PIGF: variants seen among roughly 807,000 people sequenced by gnomAD.
PIGF encodes the protein phosphatidylinositol glycan anchor biosynthesis class F.
In PIGF, 23 loss-of-function variants were observed where a neutral mutation model predicts 26.0. The ratio of observed to expected loss-of-function variants is 0.88; its 90% CI spans 0.64 to 1.25. The LOEUF (loss-of-function observed/expected upper bound fraction) is 1.25, where lower values mean the gene tolerates loss of function less well. Ranked by LOEUF, PIGF falls within the 50% of genes most tolerant of loss-of-function variation. The probability of loss-of-function intolerance (pLI) is 0.00; values close to 1 mark genes in which losing one functional copy is unlikely to be tolerated. For synonymous variants in PIGF, 93 were observed against 92.6 expected (o/e 1.00, Z -0.03); for missense variants, 278 against 249.9 (o/e 1.11, Z -0.76).
chr2:46,589,840 AAAAC>A lies in PIGF; in HGVS notation c.546+2631_546+2634del, dbSNP rs1351687456. On this transcript the variant is annotated intron_variant, in intron 5 of 5. Transcript: ENST00000281382. The surrounding 1 kb of genome is among the most constrained non-coding windows in gnomAD (Gnocchi z 4.7). ...ATTATTAAAAAATAACAATAACAAA[AAAAC>A]AAACAACCTTGTTTGCTGGAAATAA... Among the ~76,000 whole-genome samples the A allele has an allele frequency of 1.2e-4, 18 of 152,200 alleles. No individual in the cohort carries two copies. Among genetic ancestry groups the A allele is most frequent in the Admixed American group, 3.9e-4 (6 of 15,290 alleles).
At chr2:46,582,320 GTTC>G (rs1278179282) in intron 5 of PIGF, 2 of 151,480 alleles carry the variant, frequency 1.3e-5, no homozygotes, top group African/African-American at 4.8e-5. Context: ...AAATTTTCAT[GTTC>G]TTCTGTGAAG....
rs1669653727 is a variant in PIGF at position 46,588,883 on chromosome 2, T to C, written c.546+3592A>G. Among the ~76,000 whole-genome samples the C allele has an allele frequency of 6.6e-6, 1 of 152,114 alleles. No homozygotes were observed. Among genetic ancestry groups the C allele is most frequent in the Admixed American group, 6.5e-5 (1 of 15,272 alleles). On this transcript the variant is annotated intron_variant, in intron 5 of 5. Coordinates refer to ENST00000281382, the MANE Select transcript of PIGF (RefSeq NM_002643.4). This position sits in a 1 kb window ranked among gnomAD's most constrained non-coding sequence, Gnocchi z 4.1. ...CACAGAACATATGCTATGCATACAGTAATAACAACAAATACTTATTGATTA... is the reference window on the plus strand; with the variant it reads ...CACAGAACATATGCTATGCATACAGCAATAACAACAAATACTTATTGATTA...
intron 4 of PIGF, among the ~76,000 whole-genome samples, chr2:46,603,826 G>A (rs919815605): frequency 6.6e-6 from 1 of 151,990 alleles, no homozygotes; most frequent in Non-Finnish European, 1.5e-5. Flanking sequence ...TACCCCACAA[G>A]CACAGGCAAC....
Position 46,592,507 on chromosome 2 carries a change from G to A in PIGF, c.514C>T (p.Pro172Ser). ...GGTCTTTCCCAATCCAGTGGAATAG[G>A]AAGTGCTCCAAGCCATGCTCCTACA... ...SFVGAWLGAL[P>S]IPLDWERPWQ... Residue 172 changes from proline to serine, a missense_variant, in exon 5 of 6, where the codon CCT (proline) becomes TCT (serine). Transcript: ENST00000281382. The A allele has an allele frequency of 2.5e-6, 4 of 1,607,004 alleles. No homozygotes were observed. The African/African-American group carries it at 4.0e-5, about 16-fold the overall frequency.
In PIGF at chr2:46,581,031, C is replaced by G; in HGVS notation, c.*447G>C. The G allele has an allele frequency of 6.3e-7, 1 of 1,584,968 alleles. No homozygotes were observed. ...GCCATTTTAACTCCAAAGAAACACA[C>G]TGTAAAAAAAAGAATAGGATCAAGA... On this transcript the variant is annotated 3_prime_UTR_variant, in exon 6 of 6. Coordinates refer to ENST00000281382, the MANE Select transcript of PIGF (RefSeq NM_002643.4).
intron 4 of PIGF, among the ~76,000 whole-genome samples, chr2:46,607,811 C>T (rs1670272631): frequency 6.6e-6 from 1 of 152,098 alleles, no homozygotes; most frequent in African/African-American, 2.4e-5. Flanking sequence ...TCTTGTGCCT[C>T]AGCCTCCCAA....
intron 4 of PIGF, among the ~76,000 whole-genome samples, chr2:46,611,033 A>G (rs1013014433): frequency 6.6e-6 from 1 of 151,988 alleles, no homozygotes; most frequent in Non-Finnish European, 1.5e-5. Context: ...TATACTCTTG[A>G]CTTAAGTCCA....
At position 46,581,143 on chromosome 2, in the gene PIGF, A is replaced by T. The variant is rs780730059; in HGVS notation, c.*335T>A. ...TCTCTCAGAAAGCAAATGAAATGCT[A>T]CAGCTATACCCAGACCTTTTATAGG... On this transcript the variant is annotated 3_prime_UTR_variant, in exon 6 of 6. Coordinates refer to ENST00000281382, the MANE Select transcript of PIGF (RefSeq NM_002643.4). The T allele has an allele frequency of 3.9e-5, 52 of 1,348,936 alleles. No homozygotes were observed. Among genetic ancestry groups the T allele is most frequent in the Non-Finnish European group, 4.9e-5 (49 of 993,174 alleles). 83.6% of individuals were successfully genotyped at this position (1,348,936 alleles called of 1,614,324 possible). A position where few individuals can be genotyped will look rare whatever the true frequency, so the allele number is the denominator to read the frequency against.
intron 4 of PIGF, among the ~76,000 whole-genome samples, chr2:46,602,606 T>G (rs111615776): frequency 6.6e-5 from 10 of 151,984 alleles, no homozygotes; most frequent in African/African-American, 2.2e-4. Flanking sequence ...AACTCTACTG[T>G]GTTTTACATA....
chr2:46,591,226 T>C (rs748020811), intron 5 of PIGF, among the ~76,000 whole-genome samples: 10 of 152,162 alleles, frequency 6.6e-5, no homozygotes, highest in Non-Finnish European at 1.5e-5. Flanking sequence ...TAAGTTTTCA[T>C]TGACATAGAA....
intron 5 of PIGF, among the ~76,000 whole-genome samples, chr2:46,586,751 T>G (rs1669584163): frequency 6.6e-6 from 1 of 152,230 alleles, no homozygotes; most frequent in Non-Finnish European, 1.5e-5. Context: ...TCCTCCAAAA[T>G]TGGTCTTGAA....
chr2:46,597,419 G>GTT (rs533306523), intron 4 of PIGF, among the ~76,000 whole-genome samples: 7 of 144,868 alleles, frequency 4.8e-5, no homozygotes, highest in Admixed American at 6.9e-5. Context: ...GTTTTTTGTT[G>GTT]TTTTTTTTTT....
At position 46,611,278 on chromosome 2, in the gene PIGF, G is replaced by A. The variant is rs139467913; in HGVS notation, c.437+950C>T. Among the ~76,000 whole-genome samples, 701 of 152,174 alleles carry A rather than the reference G, an allele frequency of 4.6e-3. 5 individuals carry two copies. Among genetic ancestry groups the A allele is most frequent in the African/African-American group, 0.016 (679 of 41,524 alleles). On this transcript the variant is annotated intron_variant, in intron 4 of 5. Coordinates refer to ENST00000281382, the MANE Select transcript of PIGF (RefSeq NM_002643.4). Reference sequence around the variant, plus strand: ...CGAGGCGGGCGGATCATGAGGTCGAGATCAAGACCATCCTGGCCAGTGTGG... The same window carrying A: ...CGAGGCGGGCGGATCATGAGGTCGAAATCAAGACCATCCTGGCCAGTGTGG...
chr2:46,611,295 C>A (rs1670406904), intron 4 of PIGF, among the ~76,000 whole-genome samples: 1 of 151,918 alleles, frequency 6.6e-6, no homozygotes, highest in African/African-American at 2.4e-5. Context: ...ACCATCCTGG[C>A]CAGTGTGGTG....
At position 46,612,825 on chromosome 2, in the gene PIGF, TAG is replaced by T. The variant is rs536867846; in HGVS notation, c.321-483_321-482del. On this transcript the variant is annotated intron_variant, in intron 3 of 5. Coordinates refer to ENST00000281382, the MANE Select transcript of PIGF (RefSeq NM_002643.4). The stretch of plus-strand genomic sequence containing the variant: ...TAAAGATTGGTGGGGGCTCTACCCC[TAG>T]AGTTTCTGACTGAAGCTTGAGTATT... Among the ~76,000 whole-genome samples the T allele has an allele frequency of 8.3e-4, 127 of 152,284 alleles. 4 individuals are homozygous for T. In the South Asian group the frequency reaches 0.026, roughly 31 times the overall value.
intron 4 of PIGF, among the ~76,000 whole-genome samples, chr2:46,609,945 T>C (rs1275526973): frequency 6.6e-6 from 1 of 152,194 alleles, no homozygotes; most frequent in East Asian, 1.9e-4. Context: ...ACGGCGCTGA[T>C]ACATTTGCTT....
chr2:46,615,147 G>C lies in PIGF; in HGVS notation c.18C>G (p.Ile6Met). 6.6e-7 allele frequency: 1 copy of C among 1,516,248 alleles called. No individual in the cohort carries two copies. 93.9% of individuals were successfully genotyped at this position (1,516,248 alleles called of 1,614,324 possible). A position where few individuals can be genotyped will look rare whatever the true frequency, so the allele number is the denominator to read the frequency against. MKDND[I>M]KRLLYTHLLC... ...AAAGATGGGTATACAGTAGTCTCTT[G>C]ATATCGTTATCTTTCATGGTGTTTT... The change falls in exon 2 of 6, where the codon ATC becomes ATG. Residue 6 changes from isoleucine (I) to methionine (M), a missense_variant. Coordinates refer to ENST00000281382, the MANE Select transcript of PIGF (RefSeq NM_002643.4).
intron 4 of PIGF, among the ~76,000 whole-genome samples, chr2:46,608,499 T>C (rs940113321): frequency 6.6e-6 from 1 of 152,240 alleles, no homozygotes; most frequent in African/African-American, 2.4e-5. Flanking sequence ...ACAAATGTCC[T>C]CAATGGCATC....
chr2:46,597,320 A>G (rs958894596), intron 4 of PIGF, among the ~76,000 whole-genome samples: 3 of 152,158 alleles, frequency 2.0e-5, no homozygotes, highest in African/African-American at 7.2e-5. Context: ...GAAAGGGTAC[A>G]TGGAAAATAG....
Sources: gnomAD v4.1 joint callset for allele counts (sites outside exome capture counted in the v4.1 genomes callset) on GRCh38, gnomAD v4.1.1 for gene constraint, Gnocchi (gnomAD v3.1) non-coding constraint, MANE v1.5 for transcripts, NCBI Gene and HGNC (gene_info 2026-07-23, HGNC 2026-07-21) for gene names.